RGS7: variants seen among roughly 807,000 people sequenced by gnomAD.
The protein encoded by RGS7 is regulator of G-protein signaling 7.
Under a neutral mutation model 81.1 loss-of-function variants are expected in RGS7, and 27 were observed. That is an observed-to-expected ratio of 0.33 (90% CI 0.25 to 0.46). The LOEUF is 0.46. RGS7 is among the 20% of genes least tolerant of loss of function. The pLI, the probability that RGS7 is intolerant of heterozygous loss-of-function variation, is 1.00. For synonymous variants in RGS7, 208 were observed against 207.7 expected (o/e 1.00, Z -0.01); for missense variants, 396 against 607.4 (o/e 0.65, Z 3.66).
chr1:240,933,430 T>C (rs1478086495), intron 5 of RGS7, among the ~76,000 whole-genome samples: 1 of 152,066 alleles, frequency 6.6e-6, no homozygotes, highest in Admixed American at 6.5e-5. Flanking sequence ...ATTTAATGAC[T>C]GTAAAATTAA....
At chr1:240,800,235 A>C (rs922807517) in intron 18 of RGS7, among the ~76,000 whole-genome samples, 1 of 152,180 alleles carries the variant, frequency 6.6e-6, no homozygotes, top group African/African-American at 2.4e-5. Context: ...GTATTAAAGA[A>C]CAGAGGTTCC....
At chr1:241,263,303 AT>A (rs2077429068) in intron 2 of RGS7, among the ~76,000 whole-genome samples, 1 of 151,970 alleles carries the variant, frequency 6.6e-6, no homozygotes, top group South Asian at 2.1e-4. Context: ...TATATATAAA[AT>A]AAAATATTAT....
At chr1:240,921,331 GA>G (rs34732495) in intron 6 of RGS7, among the ~76,000 whole-genome samples, 77,974 of 149,660 alleles carry the variant, frequency 0.52, 20,712 homozygotes, top group Middle Eastern at 0.65. Flanking sequence ...TTCTCTTGAA[GA>G]AAAAAAAAAC....
intron 2 of RGS7, among the ~76,000 whole-genome samples, chr1:241,170,308 TTTTA>T (rs1463069281): frequency 7.9e-5 from 12 of 152,304 alleles, no homozygotes; most frequent in Admixed American, 3.9e-4. Flanking sequence ...GCCTACTTCC[TTTTA>T]TTTGTCAAAT....
chr1:241,310,691 T>G (rs942033848), intron 2 of RGS7, among the ~76,000 whole-genome samples: 1 of 152,146 alleles, frequency 6.6e-6, no homozygotes, highest in Non-Finnish European at 1.5e-5. Context: ...CAGTGACTGA[T>G]GAGTGAATCA....
rs184799848 is a variant in RGS7 at position 240,792,583 on chromosome 1, A to G, written c.*6+8058T>C. 1.9e-3 allele frequency among the ~76,000 whole-genome samples: 282 copies of G among 152,034 alleles called. 1 individual carries two copies. The highest frequency in any genetic ancestry group is 6.6e-3 in the African/African-American group (273 of 41,468). ...GTCTCTCTCTCTCCTGCAGGGCCCC[A>G]CTGTTTAGCAGGCAGGTCTCTTGCT... is the stretch of plus-strand genomic sequence containing the variant. On this transcript the variant is annotated intron_variant, in intron 18 of 18. Coordinates refer to ENST00000440928, the MANE Select transcript of RGS7 (RefSeq NM_001364886.1).
intron 18 of RGS7, among the ~76,000 whole-genome samples, chr1:240,800,085 A>G (rs1476834821): frequency 6.6e-6 from 1 of 152,186 alleles, no homozygotes; most frequent in Non-Finnish European, 1.5e-5. Flanking sequence ...GAAAAGGATT[A>G]ACTTGAAATG....
intron 2 of RGS7, among the ~76,000 whole-genome samples, chr1:241,261,446 C>A (rs1156510858): frequency 6.6e-6 from 1 of 151,312 alleles, no homozygotes. Flanking sequence ...TGGGAGAAAC[C>A]CAGTCTCTAC....
chr1:240,875,522 G>A (rs1429829622), intron 6 of RGS7, among the ~76,000 whole-genome samples: 1 of 152,110 alleles, frequency 6.6e-6, no homozygotes. Context: ...TCCAAATACT[G>A]ATTTTATTTT....
chr1:240,829,494 A>G lies in RGS7; in HGVS notation c.610-2322T>C, dbSNP rs138305513. ...TCACAACCACTGATGTAGGTGTAAC[A>G]AAGACAAGGTTTTTAAAACATTAAA... On this transcript the variant is annotated intron_variant, in intron 9 of 18. Coordinates refer to ENST00000440928, the MANE Select transcript of RGS7 (RefSeq NM_001364886.1). Among the ~76,000 whole-genome samples the G allele has an allele frequency of 3.4e-3, 522 of 152,334 alleles. 4 individuals are homozygous for G. Among genetic ancestry groups the G allele is most frequent in the Non-Finnish European group, 6.3e-3 (431 of 68,038 alleles).
chr1:241,341,562 G>C (rs1429374584), intron 2 of RGS7, among the ~76,000 whole-genome samples: 2 of 151,758 alleles, frequency 1.3e-5, no homozygotes, highest in Non-Finnish European at 2.9e-5. Flanking sequence ...AGAAGGAAAA[G>C]GAAGGAAGAA....
chr1:241,331,715 T>C lies in RGS7; in HGVS notation c.78+23984A>G, dbSNP rs934328311. Among the ~76,000 whole-genome samples the C allele has an allele frequency of 2.0e-5, 3 of 152,152 alleles. No individual in the cohort carries two copies. In the East Asian group the frequency reaches 5.8e-4, roughly 29 times the overall value. On this transcript the variant is annotated intron_variant, in intron 2 of 18. Coordinates refer to ENST00000440928, the MANE Select transcript of RGS7 (RefSeq NM_001364886.1). The stretch of plus-strand genomic sequence containing the variant: ...TTCAGGGGTAGAGCTCTTGACAATT[T>C]TACTGTCAGCTGGAAATTTGACCAG...
chr1:241,223,097 A>T (rs1183152662), intron 2 of RGS7, among the ~76,000 whole-genome samples: 2 of 152,178 alleles, frequency 1.3e-5, no homozygotes, highest in African/African-American at 4.8e-5. Flanking sequence ...TAGTTTCCCA[A>T]GCCATTTAGC....
intron 2 of RGS7, among the ~76,000 whole-genome samples, chr1:241,162,427 C>T (rs1231161082): frequency 1.3e-5 from 2 of 152,184 alleles, no homozygotes; most frequent in African/African-American, 2.4e-5. Context: ...ACTGTACATG[C>T]GGACAGCCCG....
At chr1:241,305,299 A>G (rs1314205904) in intron 2 of RGS7, among the ~76,000 whole-genome samples, 1 of 152,186 alleles carries the variant, frequency 6.6e-6, no homozygotes, top group East Asian at 1.9e-4. Context: ...TGAACTCCAC[A>G]TCATATTGAA....
At chr1:241,057,955 A>T (rs112777344) in intron 3 of RGS7, among the ~76,000 whole-genome samples, 13 of 152,282 alleles carry the variant, frequency 8.5e-5, no homozygotes, top group African/African-American at 3.1e-4. Flanking sequence ...GTCAGGCATG[A>T]GTAGGGGAGG....
intron 7 of RGS7, among the ~76,000 whole-genome samples, chr1:240,869,168 A>C (rs1307448281): frequency 8.5e-5 from 13 of 152,130 alleles, no homozygotes; most frequent in Admixed American, 8.5e-4. Context: ...AGATGAACCC[A>C]CTGGATTTTT....
intron 3 of RGS7, among the ~76,000 whole-genome samples, chr1:241,068,456 T>A (rs1558669773): frequency 6.6e-6 from 1 of 151,622 alleles, no homozygotes; most frequent in Non-Finnish European, 1.5e-5. Context: ...GGTACTACAG[T>A]AATACATTAC....
intron 1 of RGS7, 43 bp from the exon 2 acceptor site, chr1:241,355,869 T>G: frequency 9.9e-7 from 1 of 1,007,188 alleles, no homozygotes; most frequent in South Asian, 1.3e-5. Context: ...CCAGTGGGAC[T>G]CCCCTGATTC....
Sources: allele counts gnomAD v4.1 joint callset (sites outside exome capture counted in the v4.1 genomes callset), GRCh38; gene constraint gnomAD v4.1.1; transcripts MANE v1.5; gene names NCBI Gene and HGNC (gene_info 2026-07-23, HGNC 2026-07-21).